Variants in SMYD3 observed in about 807,000 individuals in gnomAD.
SMYD3 encodes SET and MYND domain containing 3.
Under a neutral mutation model 57.7 loss-of-function variants are expected in SMYD3, and 36 were observed. The ratio of observed to expected loss-of-function variants is 0.62; its 90% CI spans 0.48 to 0.82. SMYD3 has a LOEUF of 0.82. Among genes scored for constraint, SMYD3 ranks in the 40% least tolerant of loss-of-function variants. The pLI is 0.00. For missense variants in SMYD3, 515 were observed against 538.8 expected, an observed-to-expected ratio of 0.96 and a Z score of 0.44; for synonymous variants, 211 against 195.0, an observed-to-expected ratio of 1.08 and a Z score of -0.68.
intron 5 of SMYD3, among the ~76,000 whole-genome samples, chr1:246,103,822 C>A (rs1409936183): frequency 2.6e-5 from 4 of 152,236 alleles, no homozygotes; most frequent in African/African-American, 9.6e-5. Context: ...CTAGAACCCA[C>A]CCATCTGCTG....
At position 245,902,864 on chromosome 1, in the gene SMYD3, G is replaced by A. The variant is rs149589128; in HGVS notation, c.813+12666C>T. Among the ~76,000 whole-genome samples the A allele has an allele frequency of 4.0e-3, 602 of 152,312 alleles. 4 individuals are homozygous for A. Among genetic ancestry groups the A allele is most frequent in the African/African-American group, 0.014 (581 of 41,570 alleles). On this transcript the variant is annotated intron_variant, in intron 8 of 11. Transcript: ENST00000490107. ...TCTACATGAAAAAGTCATTCTCTAT[G>A]AAAGCCAATCCAAAAACTTAGAAGA... is the stretch of plus-strand genomic sequence containing the variant.
At chr1:246,258,243 G>T (rs1368616620) in intron 5 of SMYD3, among the ~76,000 whole-genome samples, 1 of 152,124 alleles carries the variant, frequency 6.6e-6, no homozygotes, top group East Asian at 1.9e-4. Flanking sequence ...TACCATGTTG[G>T]TCAGGCTGGT....
chr1:246,349,075 G>A (rs1037487723), intron 2 of SMYD3, among the ~76,000 whole-genome samples: 10 of 152,044 alleles, frequency 6.6e-5, no homozygotes, highest in Admixed American at 3.9e-4. Flanking sequence ...AGACCCACCC[G>A]CATGAAATGT....
intron 10 of SMYD3, among the ~76,000 whole-genome samples, chr1:245,832,332 C>T (rs1222337828): frequency 1.3e-5 from 2 of 152,190 alleles, no homozygotes; most frequent in African/African-American, 2.4e-5. Context: ...AGGCAGCAAA[C>T]AGGATGGAGC....
At chr1:246,312,111 T>C (rs895733673) in intron 5 of SMYD3, among the ~76,000 whole-genome samples, 1 of 152,124 alleles carries the variant, frequency 6.6e-6, no homozygotes, top group Non-Finnish European at 1.5e-5. Context: ...GGAAAATGGT[T>C]ACGACCCTCA....
At chr1:245,786,215 G>GGGGC (rs1553321353) in intron 10 of SMYD3, among the ~76,000 whole-genome samples, 3 of 147,100 alleles carry the variant, frequency 2.0e-5, no homozygotes, top group Non-Finnish European at 3.0e-5. Context: ...GGTGTGGACG[G>GGGGC]GGGGGGGATG....
rs1380729605 is a variant in SMYD3, at chr1:245,821,441, C to T, written c.1076+37055G>A. ...AATGTTAGACCTAAAACCATAAAAA[C>T]CCTAGAAGAAAACCTAGGCATTACC... On this transcript the variant is annotated intron_variant, in intron 10 of 11. Coordinates refer to ENST00000490107, the MANE Select transcript of SMYD3 (RefSeq NM_001167740.2). Among the ~76,000 whole-genome samples the T allele has an allele frequency of 6.7e-5, 10 of 149,940 alleles. 1 individual carries two copies. The East Asian group carries it at 1.0e-3, about 15-fold the overall frequency.
chr1:246,454,041 T>C (rs1408552781), intron 1 of SMYD3, among the ~76,000 whole-genome samples: 1 of 152,164 alleles, frequency 6.6e-6, no homozygotes, highest in East Asian at 1.9e-4. Flanking sequence ...GTGAAGAAAT[T>C]GTTCACAATG....
At chr1:246,223,604 C>A (rs1230133945) in intron 5 of SMYD3, among the ~76,000 whole-genome samples, 1 of 152,088 alleles carries the variant, frequency 6.6e-6, no homozygotes, top group East Asian at 1.9e-4. Context: ...ACACCTAATA[C>A]TCCTTGCTTT....
At chr1:246,182,945 G>A (rs949555367) in intron 5 of SMYD3, among the ~76,000 whole-genome samples, 2 of 152,098 alleles carry the variant, frequency 1.3e-5, no homozygotes, top group Admixed American at 6.5e-5. Flanking sequence ...AAGTACAAAT[G>A]AGCATACTTA....
At chr1:245,929,572 C>T (rs2147845603) in intron 6 of SMYD3, among the ~76,000 whole-genome samples, 1 of 152,310 alleles carries the variant, frequency 6.6e-6, no homozygotes, top group East Asian at 1.9e-4. Context: ...AACCAAAAAT[C>T]AGCCCGATGG....
At chr1:246,445,096 T>A (rs2067532953) in intron 1 of SMYD3, among the ~76,000 whole-genome samples, 1 of 152,218 alleles carries the variant, frequency 6.6e-6, no homozygotes, top group Non-Finnish European at 1.5e-5. Flanking sequence ...CACTGAATTG[T>A]TGTGAGGATT....
chr1:245,842,418 A>G lies in SMYD3; in HGVS notation c.1076+16078T>C, dbSNP rs578236153. Reference sequence around the variant, plus strand: ...CATTTTACTTAACCTAGCTTTTCCCAAATTCATTTGACCAGGATTCTCTTT... The same window carrying G: ...CATTTTACTTAACCTAGCTTTTCCCGAATTCATTTGACCAGGATTCTCTTT... On this transcript the variant is annotated intron_variant, in intron 10 of 11. Transcript: ENST00000490107. Among the ~76,000 whole-genome samples the G allele has an allele frequency of 2.1e-5, 3 of 145,908 alleles. No homozygotes were observed. The South Asian group carries it at 7.2e-4, about 35-fold the overall frequency.
intron 1 of SMYD3, among the ~76,000 whole-genome samples, chr1:246,482,352 C>T (rs1291411183): frequency 6.6e-6 from 1 of 152,168 alleles, no homozygotes; most frequent in Non-Finnish European, 1.5e-5. Context: ...CTCAATGTTA[C>T]AGATGGTGGT....
intron 5 of SMYD3, among the ~76,000 whole-genome samples, chr1:246,138,447 A>G (rs922882539): frequency 3.4e-5 from 5 of 148,306 alleles, no homozygotes; most frequent in Non-Finnish European, 7.5e-5. Context: ...TTTTTCTGAG[A>G]CGGAGTCTCG....
rs73137862 is a variant in SMYD3 at position 246,069,937 on chromosome 1, G to C, written c.532-140000C>G. 9.7e-3 allele frequency among the ~76,000 whole-genome samples: 1,478 copies of C among 152,264 alleles called. 20 individuals are homozygous for C. Among genetic ancestry groups the C allele is most frequent in the African/African-American group, 0.033 (1,383 of 41,546 alleles). On this transcript the variant is annotated intron_variant, in intron 5 of 11. Transcript: ENST00000490107. ...CCTCCTACGTGGAGCCTTAGTTTGG[G>C]GGGAAGTGAATCTCAATTGCCCCCT... is the stretch of plus-strand genomic sequence containing the variant.
chr1:246,186,922 C>T (rs899106829), intron 5 of SMYD3: 58 of 985,260 alleles, frequency 5.9e-5, no homozygotes, highest in East Asian at 1.1e-4. Flanking sequence ...AGAGGTCTCA[C>T]GGAACAACTT....
At chr1:245,806,858 C>A (rs552611042) in intron 10 of SMYD3, among the ~76,000 whole-genome samples, 3 of 132,454 alleles carry the variant, frequency 2.3e-5, no homozygotes, top group Non-Finnish European at 4.6e-5. Context: ...TGCAGTGAGC[C>A]GAGATCGCGC....
At chr1:245,857,051 C>T (rs567601325) in intron 10 of SMYD3, among the ~76,000 whole-genome samples, 71 of 152,330 alleles carry the variant, frequency 4.7e-4, no homozygotes, top group African/African-American at 1.7e-3. Flanking sequence ...TCACTCTGAG[C>T]AGGCATTTCA....
Sources: gnomAD v4.1 joint callset for allele counts (sites outside exome capture counted in the v4.1 genomes callset) on GRCh38, gnomAD v4.1.1 for gene constraint, MANE v1.5 for transcripts, NCBI Gene and HGNC (gene_info 2026-07-23, HGNC 2026-07-21) for gene names.